Variants in HBP1 observed in about 807,000 individuals in gnomAD.
HBP1 encodes HMG-box transcription factor 1.
In HBP1, 20 loss-of-function variants were observed where a neutral mutation model predicts 62.6. The ratio of observed to expected loss-of-function variants is 0.32; its 90% confidence interval spans 0.22 to 0.46. The LOEUF is 0.46. Ranked by LOEUF, HBP1 falls within the 20% of genes least tolerant of loss-of-function variation. The pLI is 1.00. For synonymous variants in HBP1, 232 were observed against 206.2 expected (o/e 1.12, Z -1.07); for missense variants, 480 against 611.8 (o/e 0.78, Z 2.27).
At chr7:107,181,423 A>G (rs1194198119) in intron 2 of HBP1, among the ~76,000 whole-genome samples, 3 of 152,034 alleles carry the variant, frequency 2.0e-5, no homozygotes, top group Non-Finnish European at 2.9e-5. Context: ...AGTGAGCTAT[A>G]ATTGTACCAC....
intron 1 of HBP1, among the ~76,000 whole-genome samples, chr7:107,172,584 G>C (rs1796651869): frequency 6.6e-6 from 1 of 152,110 alleles, no homozygotes; most frequent in South Asian, 2.1e-4. Flanking sequence ...GACTGCTTCT[G>C]CTATTAATGG....
In HBP1 at chr7:107,201,497, G is replaced by T. The variant is rs1202598329; in HGVS notation, c.*66G>T. The T allele has an allele frequency of 1.4e-5, 14 of 982,220 alleles. No individual in the cohort carries two copies. The highest frequency in any genetic ancestry group is 2.3e-5 in the Non-Finnish European group (14 of 616,734). 60.8% of individuals were successfully genotyped at this position (982,220 alleles called of 1,614,324 possible). A position where few individuals can be genotyped will look rare whatever the true frequency, so the allele number is the denominator to read the frequency against. ...ATTGACTCTTGATGGAAAGACTTAA[G>T]AAGATCAAGGTCTCACCATTTGTCC... On this transcript the variant is annotated 3_prime_UTR_variant, in exon 11 of 11. Coordinates refer to ENST00000222574, the MANE Select transcript of HBP1 (RefSeq NM_012257.4).
intron 9 of HBP1, chr7:107,196,719 A>G (rs1290330969): frequency 1.8e-5 from 3 of 162,722 alleles, no homozygotes; most frequent in African/African-American, 4.8e-5. Flanking sequence ...CAGCGGCGCA[A>G]CTCACTGTAG....
At chr7:107,186,033 T>C (rs1040200677) in intron 4 of HBP1, 91 bp downstream of exon 4, 38 of 945,246 alleles carry the variant, frequency 4.0e-5, no homozygotes, top group Non-Finnish European at 4.2e-5. Context: ...CTCACTGTTC[T>C]GTTAGTGATC....
At chr7:107,187,035 G>T (rs573899318) in intron 6 of HBP1, among the ~76,000 whole-genome samples, 1 of 152,076 alleles carries the variant, frequency 6.6e-6, no homozygotes, top group African/African-American at 2.4e-5. Context: ...GGTGGATCAC[G>T]AGGTCAGGAG....
rs1798388266 is a variant in HBP1 at position 107,202,287 on chromosome 7, ACT to A, written c.*857_*858del. On this transcript the variant is annotated 3_prime_UTR_variant, in exon 11 of 11. Transcript: ENST00000222574. ...GCACTTACTGCAGTGCAACACTTGC[ACT>A]TTAATTTTCCTCCAACTGTCTAAAA... The A allele has an allele frequency of 2.0e-5, 3 of 152,668 alleles. No individual in the cohort carries two copies. Among genetic ancestry groups the A allele is most frequent in the Non-Finnish European group, 4.4e-5 (3 of 68,040 alleles). 9.5% of individuals were successfully genotyped at this position (152,668 alleles called of 1,614,324 possible).
rs144592852 is a variant in HBP1 at position 107,201,361 on chromosome 7, AT to A, written c.1528-51del. The A allele has an allele frequency of 5.5e-4, 605 of 1,101,460 alleles. 3 individuals are homozygous for A. In the East Asian group the frequency reaches 0.013, roughly 23 times the overall value. 68.2% of individuals were successfully genotyped at this position (1,101,460 alleles called of 1,614,324 possible). On this transcript the variant is annotated intron_variant, in intron 10 of 10. Transcript: ENST00000222574. The stretch of plus-strand genomic sequence containing the variant: ...ATACATCTTAGCTTTCATATATAGG[AT>A]TACTATGTATTGATTTGTAAACATT...
intron 1 of HBP1, among the ~76,000 whole-genome samples, chr7:107,175,129 G>A (rs1350714187): frequency 2.0e-5 from 3 of 151,832 alleles, no homozygotes; most frequent in Non-Finnish European, 2.9e-5. Context: ...TACTCATACA[G>A]TATTTCAGTA....
chr7:107,180,244 A>G (rs1797047364), intron 2 of HBP1, among the ~76,000 whole-genome samples, 182 bp downstream of exon 2: 1 of 152,194 alleles, frequency 6.6e-6, no homozygotes, highest in Non-Finnish European at 1.5e-5. Flanking sequence ...GAGTTGGGCT[A>G]TTTATGGTTA....
At chr7:107,195,767 CCTG>C (rs1396083987) in intron 8 of HBP1, 64 bp from the exon 9 acceptor site, 5 of 695,178 alleles carry the variant, frequency 7.2e-6, no homozygotes, top group Non-Finnish European at 6.3e-6. Context: ...TTTTTTTTAA[CCTG>C]CTTTTTAGAA....
At chr7:107,197,584 G>A (rs901311709) in intron 9 of HBP1, among the ~76,000 whole-genome samples, 10 of 152,100 alleles carry the variant, frequency 6.6e-5, no homozygotes, top group African/African-American at 2.4e-4. Flanking sequence ...TGGCCAGGCT[G>A]GTCTCAAACT....
intron 1 of HBP1, among the ~76,000 whole-genome samples, chr7:107,171,680 G>A (rs1398962138): frequency 1.3e-5 from 2 of 151,766 alleles, no homozygotes; most frequent in Non-Finnish European, 2.9e-5. Flanking sequence ...CCTCGCCAAC[G>A]TCGTGAAATT....
intron 9 of HBP1, 93 bp downstream of exon 9, chr7:107,196,244 T>G (rs780277766): frequency 9.8e-6 from 8 of 815,110 alleles, no homozygotes; most frequent in Non-Finnish European, 1.7e-5. Flanking sequence ...TATTCTTTAA[T>G]AGCTTTTATT....
At chr7:107,170,077 A>G in intron 1 of HBP1, 1 of 985,358 alleles carries the variant, frequency 1.0e-6, no homozygotes, top group Non-Finnish European at 1.2e-6. Context: ...ACTCGAGTTC[A>G]TTCTTAGGGA....
rs1394808118 is a variant in HBP1, at chr7:107,179,987, T to C, written c.94T>C (p.Leu32=). 6.2e-7 allele frequency: 1 copy of C among 1,610,804 alleles called. No homozygotes were observed. The highest frequency in any genetic ancestry group is 1.1e-5 in the South Asian group (1 of 90,904). The change falls in exon 2 of 11, where the codon TTG becomes CTG. Residue 32 remains leucine, a synonymous_variant. Transcript: ENST00000222574. ...GAGAGCCTCAGGAATGAATGACTCA[T>C]TGGAGTTGCTGCAGTGTAATGAGAA... is the stretch of plus-strand genomic sequence containing the variant. ...DKRASGMNDS[L]ELLQCNENLP...
chr7:107,187,194 A>G (rs1031179098), intron 6 of HBP1, among the ~76,000 whole-genome samples: 6 of 152,176 alleles, frequency 3.9e-5, no homozygotes, highest in Non-Finnish European at 4.4e-5. Flanking sequence ...CAGAGCTTGC[A>G]GTGAGCCAAG....
intron 10 of HBP1, 45 bp downstream of exon 10, chr7:107,200,346 T>A: frequency 6.5e-7 from 1 of 1,546,626 alleles, no homozygotes; most frequent in Non-Finnish European, 8.9e-7. Flanking sequence ...GCCTTATCCG[T>A]GCAGGTGTAC....
At position 107,201,509 on chromosome 7, in the gene HBP1, C is replaced by T; in HGVS notation, c.*78C>T. 1 of 872,024 alleles carries T rather than the reference C, an allele frequency of 1.1e-6. No homozygotes were observed. Among genetic ancestry groups the T allele is most frequent in the Non-Finnish European group, 1.9e-6 (1 of 531,194 alleles). 54.0% of individuals were successfully genotyped at this position (872,024 alleles called of 1,614,324 possible). A position where few individuals can be genotyped will look rare whatever the true frequency, so the allele number is the denominator to read the frequency against. Reference sequence around the variant, plus strand: ...TGGAAAGACTTAAGAAGATCAAGGTCTCACCATTTGTCCTCAATTCGTGTG... The same window carrying T: ...TGGAAAGACTTAAGAAGATCAAGGTTTCACCATTTGTCCTCAATTCGTGTG... On this transcript the variant is annotated 3_prime_UTR_variant, in exon 11 of 11. Coordinates refer to ENST00000222574, the MANE Select transcript of HBP1 (RefSeq NM_012257.4).
chr7:107,192,189 G>C (rs1001374953), intron 8 of HBP1, among the ~76,000 whole-genome samples: 1 of 151,724 alleles, frequency 6.6e-6, no homozygotes, highest in African/African-American at 2.4e-5. Context: ...ACTTCCAAAA[G>C]GAAAGCAGGC....
Sources: allele counts gnomAD v4.1 joint callset (sites outside exome capture counted in the v4.1 genomes callset), GRCh38; gene constraint gnomAD v4.1.1; transcripts MANE v1.5; gene names NCBI Gene and HGNC (gene_info 2026-07-23, HGNC 2026-07-21).